The following TNFSF14 variants were observed in gnomAD, a reference collection of about 807,000 sequenced individuals.
TNFSF14 encodes the protein tumor necrosis factor ligand superfamily member 14.
In TNFSF14, 15 loss-of-function variants were observed where a neutral mutation model predicts 22.7. The ratio of observed to expected loss-of-function variants is 0.66; its 90% CI spans 0.44 to 1.02. TNFSF14 has a LOEUF of 1.02. Ranked by LOEUF, TNFSF14 falls within the 50% of genes least tolerant of loss-of-function variation. The pLI, the probability that TNFSF14 is intolerant of heterozygous loss-of-function variation, is 0.00. For missense variants in TNFSF14, 287 were observed against 326.2 expected, an observed-to-expected ratio of 0.88 and a Z score of 0.93; for synonymous variants, 133 against 139.6, an observed-to-expected ratio of 0.95 and a Z score of 0.33.
intron 1 of TNFSF14, among the ~76,000 whole-genome samples, chr19:6,669,299 CAT>C (rs1013469089): frequency 6.6e-6 from 1 of 152,064 alleles, no homozygotes; most frequent in Admixed American, 6.6e-5. Context: ...GCCTGACAAA[CAT>C]AGAGAAGCCC....
At chr19:6,667,474 G>A in intron 1 of TNFSF14, 25 bp from the exon 2 acceptor site, 1 of 1,571,960 alleles carries the variant, frequency 6.4e-7, no homozygotes, top group South Asian at 1.2e-5. Flanking sequence ...GGGGCCTGCG[G>A]TAAGAACCTG....
chr19:6,664,831 C>T lies in TNFSF14; in HGVS notation c.*95G>A, dbSNP rs900462817. On this transcript the variant is annotated 3_prime_UTR_variant, in exon 4 of 4. Coordinates refer to ENST00000675206, the MANE Select transcript of TNFSF14 (RefSeq NM_001376887.1). This position sits in a 1 kb window ranked among gnomAD's most constrained non-coding sequence, Gnocchi z 4.7. ...CTGGGATTACAGGCGAGAGCCACCA[C>T]GCCCAGCCTCTGCTTCGTGAGTTTT... is the stretch of plus-strand genomic sequence containing the variant. 296 of 1,467,896 alleles carry T rather than the reference C, an allele frequency of 2.0e-4. No individual in the cohort carries two copies. Among genetic ancestry groups the T allele is most frequent in the East Asian group, 2.7e-4 (12 of 43,666 alleles). 90.9% of individuals were successfully genotyped at this position (1,467,896 alleles called of 1,614,324 possible). A position where few individuals can be genotyped will look rare whatever the true frequency, so the allele number is the denominator to read the frequency against.
chr19:6,663,308 ATGTG>A lies in TNFSF14; in HGVS notation c.*1614_*1617del, dbSNP rs1917296918. 1 of 149,752 alleles carries A rather than the reference ATGTG, an allele frequency of 6.7e-6. No individual in the cohort carries two copies. The highest frequency in any genetic ancestry group is 1.5e-5 in the Non-Finnish European group (1 of 67,460). The allele number at this position is 149,752 out of a possible 1,614,324, so 9.3% of individuals were successfully genotyped here. On this transcript the variant is annotated 3_prime_UTR_variant, in exon 4 of 4. Coordinates refer to ENST00000675206, the MANE Select transcript of TNFSF14 (RefSeq NM_001376887.1). ...TGTTTGTCATTGTGATGTGTGTGTG[ATGTG>A]TGTGTCATTGTGATGTTGTGTGTGT...
chr19:6,666,126 C>G (rs899460087), intron 3 of TNFSF14, among the ~76,000 whole-genome samples: 1 of 152,036 alleles, frequency 6.6e-6, no homozygotes, highest in African/African-American at 2.4e-5. Flanking sequence ...GGTGTGGCGT[C>G]TCACCCCTAT....
At chr19:6,666,309 G>A (rs958638731) in intron 3 of TNFSF14, among the ~76,000 whole-genome samples, 1 of 151,674 alleles carries the variant, frequency 6.6e-6, no homozygotes, top group African/African-American at 2.4e-5. Context: ...AGCTGAAGTG[G>A]GAGGATCGCT....
Position 6,669,892 on chromosome 19 carries a change from G to A in TNFSF14, c.178C>T (p.Gln60Ter). Residue 60 changes from glutamine to a stop codon, truncating the protein, a stop_gained, in exon 1 of 4, where the codon CAG becomes TAG. Transcript: ENST00000675206. LOFTEE classifies it high-confidence loss of function. ...GLAVQGWFLL[Q>*]LHWRLGEMVT... ...ATCTCTCCTAGACGCCAGTGCAGCT[G>A]CAGGAGGAACCAGCCTTGGACGGCC... 1 of 1,613,662 alleles carries A rather than the reference G, an allele frequency of 6.2e-7. No individual in the cohort carries two copies. Among genetic ancestry groups the A allele is most frequent in the Non-Finnish European group, 8.5e-7 (1 of 1,179,980 alleles).
rs746806641 is a variant in TNFSF14 at position 6,664,961 on chromosome 19, C to T, written c.688G>A (p.Gly230Ser). The T allele has an allele frequency of 3.7e-6, 6 of 1,608,246 alleles. No individual in the cohort carries two copies. In the South Asian group the frequency reaches 6.6e-5, roughly 18 times the overall value. The part of the protein sequence containing the change: ...LDERLVRLRD[G>S]TRSYFGAFMV ...AAAGCCCCGAAGTAAGACCGGGTACCATCACGCAGTCGAACCAGGCGTTCA... is the reference window on the plus strand; with the variant it reads ...AAAGCCCCGAAGTAAGACCGGGTACTATCACGCAGTCGAACCAGGCGTTCA... Residue 230 changes from glycine (G) to serine (S), a missense_variant, in exon 4 of 4, where the codon GGT becomes AGT. Gly to Ser is a moderately conservative substitution (Grantham distance 56, BLOSUM62 0). Transcript: ENST00000675206. The surrounding 1 kb of genome is among the most constrained non-coding windows in gnomAD (Gnocchi z 4.7).
At position 6,668,092 on chromosome 19, in the gene TNFSF14, T is replaced by C. The variant is rs147556128; in HGVS notation, c.220-643A>G. Among the ~76,000 whole-genome samples the C allele has an allele frequency of 2.5e-4, 38 of 152,248 alleles. 1 individual carries two copies. The East Asian group carries it at 7.3e-3, about 29-fold the overall frequency. ...AAATAAATAACATTGCCCAGAGCAG[T>C]GGCTTACACCTGTAATCCCAGCACT... On this transcript the variant is annotated intron_variant, in intron 1 of 3. Transcript: ENST00000675206.
At chr19:6,668,873 C>T (rs952855962) in intron 1 of TNFSF14, among the ~76,000 whole-genome samples, 2 of 152,204 alleles carry the variant, frequency 1.3e-5, no homozygotes, top group South Asian at 2.1e-4. Context: ...GATCCATGTG[C>T]GTCTACAGAC....
Position 6,665,246 on chromosome 19 carries a change from C to T in TNFSF14, c.403G>A (p.Val135Ile), listed in dbSNP as rs763684069. 1.6e-5 allele frequency: 26 copies of T among 1,613,870 alleles called. No homozygotes were observed. The highest frequency in any genetic ancestry group is 3.3e-5 in the South Asian group (3 of 91,080). Reference protein sequence around the residue: ...GLSYHDGALVVTKAGYYYIYS... With the variant: ...GLSYHDGALVITKAGYYYIYS... ...ATGTAGTAGTAGCCAGCTTTGGTGA[C>T]CACAAGGGCCCCATCGTGGTAGCTG... The change falls in exon 4 of 4, where the codon GTC becomes ATC. Residue 135 changes from valine to isoleucine, a missense_variant. By Grantham distance (29) the Val-to-Ile change is conservative. Transcript: ENST00000675206.
At chr19:6,666,118 T>G (rs1293093965) in intron 3 of TNFSF14, among the ~76,000 whole-genome samples, 1 of 151,920 alleles carries the variant, frequency 6.6e-6, no homozygotes, top group African/African-American at 2.4e-5. Flanking sequence ...CTTGGCTGGG[T>G]GTGGCGTCTC....
rs1045899284 is a variant in TNFSF14, at chr19:6,661,447, C to T, written c.*3479G>A. 5 of 152,208 alleles carry T rather than the reference C, an allele frequency of 3.3e-5. No individual in the cohort carries two copies. The highest frequency in any genetic ancestry group is 2.0e-4 in the Admixed American group (3 of 15,280). The allele number at this position is 152,208 out of a possible 1,614,324, so 9.4% of individuals were successfully genotyped here. Reference sequence around the variant, plus strand: ...AAAAAGATAAATGGTAACAGAAAAACAAACAGTTCCAGGTGCAGGGGCTTT... The same window carrying T: ...AAAAAGATAAATGGTAACAGAAAAATAAACAGTTCCAGGTGCAGGGGCTTT... On this transcript the variant is annotated 3_prime_UTR_variant, in exon 4 of 4. Transcript: ENST00000675206.
Position 6,665,299 on chromosome 19 carries a change from T to C in TNFSF14, c.350A>G (p.Gln117Arg), listed in dbSNP as rs781390768. The change falls in exon 4 of 4, where the codon CAG (glutamine) becomes CGG (arginine). Residue 117 changes from glutamine to arginine, a missense_variant. Gln to Arg is a conservative substitution (Grantham distance 43). Coordinates refer to ENST00000675206, the MANE Select transcript of TNFSF14 (RefSeq NM_001376887.1). ...GCCCCTCAGGAAGGCCAGGCCCAGC[T>C]GAGTCTCCCATAACAGCGGCCCCCC... ...GSGGPLLWET[Q>R]LGLAFLRGLS... 4 of 1,611,602 alleles carry C rather than the reference T, an allele frequency of 2.5e-6. No homozygotes were observed. The South Asian group carries it at 4.4e-5, about 18-fold the overall frequency.
chr19:6,670,173 C>T (rs1329741337), upstream of TNFSF14: 2 of 1,503,616 alleles, frequency 1.3e-6, no homozygotes, highest in Admixed American at 2.1e-5. Context: ...GGACAGGCAC[C>T]CGTGGGCCGC....
Position 6,665,076 on chromosome 19 carries a change from G to A in TNFSF14, c.573C>T (p.Thr191=), listed in dbSNP as rs771351489. Residue 191 remains threonine (T), a synonymous_variant, in exon 4 of 4, where the codon ACC becomes ACT. Transcript: ENST00000675206. The stretch of plus-strand genomic sequence containing the variant: ...TGTCCCACCAGACCCGGGAGCTGCT[G>A]GTGGCCCGTCCGCAGGGTGACTGCT... The part of the protein sequence containing the change: ...VSQQSPCGRA[T]SSSRVWWDSS... 4.0e-5 allele frequency: 65 copies of A among 1,614,094 alleles called. No homozygotes were observed. The South Asian group carries it at 6.9e-4, about 17-fold the overall frequency.
intron 1 of TNFSF14, among the ~76,000 whole-genome samples, chr19:6,668,362 C>G (rs1037614429): frequency 5.9e-5 from 9 of 151,656 alleles, no homozygotes; most frequent in African/African-American, 2.2e-4. Context: ...GACACAGTCT[C>G]TAAGATAAAT....
At chr19:6,669,726 G>A (rs953600534) in intron 1 of TNFSF14, 125 bp downstream of exon 1, 5 of 1,414,436 alleles carry the variant, frequency 3.5e-6, no homozygotes, top group Admixed American at 4.6e-5. Context: ...CTCTCAGCCT[G>A]TGCCCTGTCC....
rs1408928043 is a variant in TNFSF14 at position 6,670,047 on chromosome 19, G to A, written c.23C>T (p.Pro8Leu). Residue 8 changes from proline (P) to leucine (L), a missense_variant, in exon 1 of 4, where the codon CCC becomes CTC. By Grantham distance (98) the Pro-to-Leu change is moderately conservative (BLOSUM62 -3). Transcript: ENST00000675206. ...CTGTCCATCCACCACAAACACTGAG[G>A]GCCGTACGACACTCTCCTCCATGCC... The part of the protein sequence containing the change: MEESVVR[P>L]SVFVVDGQTD... 4 of 1,614,014 alleles carry A rather than the reference G, an allele frequency of 2.5e-6. No homozygotes were observed. The Admixed American group carries it at 6.7e-5, about 27-fold the overall frequency.
At chr19:6,667,544 C>T (rs1315822293) in intron 1 of TNFSF14, 95 bp from the exon 2 acceptor site, 1 of 1,350,534 alleles carries the variant, frequency 7.4e-7, no homozygotes. Flanking sequence ...GGACCATAGC[C>T]ACCGACACCA....
Sources: gnomAD v4.1 joint callset for allele counts (sites outside exome capture counted in the v4.1 genomes callset) on GRCh38, gnomAD v4.1.1 for gene constraint, Gnocchi (gnomAD v3.1) non-coding constraint, MANE v1.5 for transcripts, NCBI Gene and HGNC (gene_info 2026-07-23, HGNC 2026-07-21) for gene names.